Variants in ADHFE1 observed in about 807,000 individuals in gnomAD.
The protein encoded by ADHFE1 is hydroxyacid-oxoacid transhydrogenase, mitochondrial.
A neutral mutation model predicts 54.8 loss-of-function variants in ADHFE1; 37 were observed. The ratio of observed to expected loss-of-function variants is 0.68; its 90% CI spans 0.52 to 0.89. The LOEUF is 0.89. Ranked by LOEUF, ADHFE1 falls within the 40% of genes least tolerant of loss-of-function variation. The pLI, the probability that ADHFE1 is intolerant of heterozygous loss-of-function variation, is 0.00. For missense variants in ADHFE1, 601 were observed against 591.2 expected (o/e 1.02, Z -0.17); for synonymous variants, 203 against 229.3 (o/e 0.89, Z 1.04).
At chr8:66,457,966 T>A (rs186782286) in intron 12 of ADHFE1, among the ~76,000 whole-genome samples, 2 of 152,336 alleles carry the variant, frequency 1.3e-5, no homozygotes, top group Admixed American at 1.3e-4. Flanking sequence ...AAGGTCCTGA[T>A]CAATTAGAAA....
chr8:66,462,420 T>G (rs1159837362), intron 13 of ADHFE1, among the ~76,000 whole-genome samples: 2 of 152,178 alleles, frequency 1.3e-5, no homozygotes, highest in East Asian at 3.9e-4. Context: ...AGGCTAATTT[T>G]TTTAACTTTT....
At chr8:66,455,509 G>A (rs1354719512) in intron 10 of ADHFE1, among the ~76,000 whole-genome samples, 1 of 152,198 alleles carries the variant, frequency 6.6e-6, no homozygotes, top group Non-Finnish European at 1.5e-5. Flanking sequence ...TACCACTGAT[G>A]GGAGCATAAA....
chr8:66,460,364 C>A lies in ADHFE1; in HGVS notation c.1219C>A (p.Leu407Ile). Reference sequence around the variant, plus strand: ...TGCAGGGCTGGTGTTGGCAGACACGCTCCGGAAATTCTTATTCGATCTGGA... The same window carrying A: ...TGCAGGGCTGGTGTTGGCAGACACGATCCGGAAATTCTTATTCGATCTGGA... ...QDAGLVLADT[L>I]RKFLFDLDVD... is the part of the protein sequence containing the mutation. The change falls in exon 13 of 14, where the codon CTC (leucine) becomes ATC (isoleucine). Residue 407 changes from leucine to isoleucine, a missense_variant. By Grantham distance (5) the Leu-to-Ile change is conservative. Transcript: ENST00000396623. 6.2e-7 allele frequency: 1 copy of A among 1,614,206 alleles called. No individual in the cohort carries two copies. The highest frequency in any genetic ancestry group is 8.5e-7 in the Non-Finnish European group (1 of 1,180,022).
intron 12 of ADHFE1, chr8:66,460,070 C>T (rs915195839): frequency 4.0e-6 from 2 of 505,260 alleles, no homozygotes; most frequent in Non-Finnish European, 7.1e-6. Flanking sequence ...CTTTGTTCCT[C>T]TTCTTCCTAC....
chr8:66,450,796 T>A (rs1333723863), intron 8 of ADHFE1, among the ~76,000 whole-genome samples: 20 of 152,236 alleles, frequency 1.3e-4, no homozygotes, highest in Admixed American at 1.3e-3. Flanking sequence ...AACTTCCCCA[T>A]GTGGACACCT....
At chr8:66,456,030 A>G (rs1806568409) in intron 10 of ADHFE1, among the ~76,000 whole-genome samples, 1 of 152,146 alleles carries the variant, frequency 6.6e-6, no homozygotes, top group African/African-American at 2.4e-5. Flanking sequence ...TTTTTCACTA[A>G]GCGTGGTGGC....
rs1352602315 is a variant in ADHFE1, at chr8:66,460,327, C to T, written c.1182C>T (p.Ala394=). The T allele has an allele frequency of 6.2e-7, 1 of 1,614,130 alleles. No individual in the cohort carries two copies. Among genetic ancestry groups the T allele is most frequent in the South Asian group, 1.1e-5 (1 of 91,084 alleles). The change falls in exon 13 of 14, where the codon GCC becomes GCT. Residue 394 remains alanine (A), a synonymous_variant. Transcript: ENST00000396623. ...TTCTAGGAGCCGACACCCGCACTGC[C>T]AGGATCCAAGATGCAGGGCTGGTGT... ...AEILGADTRT[A]RIQDAGLVLA... is the part of the protein sequence containing the mutation.
intron 13 of ADHFE1, among the ~76,000 whole-genome samples, chr8:66,462,419 T>G (rs1419344737): frequency 6.6e-6 from 1 of 152,158 alleles, no homozygotes; most frequent in Non-Finnish European, 1.5e-5. Flanking sequence ...CAGGCTAATT[T>G]TTTTAACTTT....
chr8:66,433,872 TG>T (rs1805327979), intron 1 of ADHFE1, among the ~76,000 whole-genome samples: 1 of 152,236 alleles, frequency 6.6e-6, no homozygotes, highest in Non-Finnish European at 1.5e-5. Flanking sequence ...TTCAAATTTT[TG>T]GTTGTAAACC....
At chr8:66,433,190 CTG>C (rs1483497073) in intron 1 of ADHFE1, among the ~76,000 whole-genome samples, 3 of 152,196 alleles carry the variant, frequency 2.0e-5, no homozygotes, top group Non-Finnish European at 2.9e-5. Context: ...TACTTGCTGA[CTG>C]TGCAAGTGCA....
At chr8:66,440,040 A>G (rs1197849616) in intron 1 of ADHFE1, 122 bp from the exon 2 acceptor site, 8 of 986,758 alleles carry the variant, frequency 8.1e-6, no homozygotes, top group Admixed American at 2.3e-5. Context: ...GTGTCTGCCA[A>G]GAACTACCAA....
At chr8:66,463,144 A>G (rs897132482) in intron 13 of ADHFE1, among the ~76,000 whole-genome samples, 4 of 152,216 alleles carry the variant, frequency 2.6e-5, no homozygotes, top group Admixed American at 6.5e-5. Flanking sequence ...TTCAAAAGCT[A>G]TTCCACGTAG....
Position 66,451,959 on chromosome 8 carries a change from C to G in ADHFE1, c.741C>G (p.Ala247=), listed in dbSNP as rs758056584. 1 of 1,613,872 alleles carries G rather than the reference C, an allele frequency of 6.2e-7. No homozygotes were observed. The highest frequency in any genetic ancestry group is 8.5e-7 in the Non-Finnish European group (1 of 1,179,940). Residue 247 remains alanine (A), a synonymous_variant, in exon 9 of 14, where the codon GCC becomes GCG. Transcript: ENST00000396623. ...TTTCAATATTTCTTTTTAGCCATGC[C>G]CTGGAGTCATACACCACCCTGCCCT... The part of the protein sequence containing the change: ...ANSGFDVLCH[A]LESYTTLPYH...
At chr8:66,455,471 C>T (rs1242515020) in intron 10 of ADHFE1, among the ~76,000 whole-genome samples, 5 of 152,168 alleles carry the variant, frequency 3.3e-5, no homozygotes, top group Admixed American at 2.0e-4. Flanking sequence ...CTAGGGTGAG[C>T]GCAAGGAATG....
intron 1 of ADHFE1, among the ~76,000 whole-genome samples, chr8:66,438,711 C>T (rs1013236588): frequency 6.6e-6 from 1 of 151,738 alleles, no homozygotes; most frequent in African/African-American, 2.4e-5. Flanking sequence ...AAGTTTCAGG[C>T]GCAAAACTCT....
intron 13 of ADHFE1, among the ~76,000 whole-genome samples, chr8:66,463,593 A>G (rs1034099032): frequency 1.3e-5 from 2 of 151,148 alleles, no homozygotes; most frequent in Non-Finnish European, 3.0e-5. Context: ...GCAGATGAAT[A>G]ACTACTATGG....
At chr8:66,468,161 G>A (rs536840220) in intron 13 of ADHFE1, 108 bp from the exon 14 acceptor site, 163 of 755,214 alleles carry the variant, frequency 2.2e-4, no homozygotes, top group African/African-American at 1.1e-3. Context: ...AAGATATGGC[G>A]TTTATCAAGT....
Position 66,452,039 on chromosome 8 carries a change from G to A in ADHFE1, c.821G>A (p.Gly274Asp), listed in dbSNP as rs201214924. Residue 274 changes from glycine to aspartate, a missense_variant, in exon 9 of 14, where the codon GGC becomes GAC. Gly to Asp is a moderately conservative substitution (Grantham distance 94). Transcript: ENST00000396623. ...CCCATCACACGGCCTGCGTACCAGGGCAGCAACCCAATCAGTGACATTTGG... is the reference window on the plus strand; with the variant it reads ...CCCATCACACGGCCTGCGTACCAGGACAGCAACCCAATCAGTGACATTTGG... The part of the protein sequence containing the change: ...SNPITRPAYQ[G>D]SNPISDIWAI... 3.1e-6 allele frequency: 5 copies of A among 1,614,228 alleles called. No homozygotes were observed. Among genetic ancestry groups the A allele is most frequent in the East Asian group, 4.5e-5 (2 of 44,888 alleles).
rs765694880 is a variant in ADHFE1, at chr8:66,460,418, T to C, written c.1273T>C (p.Tyr425His). The C allele has an allele frequency of 6.8e-6, 11 of 1,612,872 alleles. No homozygotes were observed. In the South Asian group the frequency reaches 1.1e-4, roughly 16 times the overall value. ...TGATGATGGCCTAGCAGCTGTTGGT[T>C]ACTCCAAAGCTGATATCCCCGCACT... is the stretch of plus-strand genomic sequence containing the variant. ...DVDDGLAAVG[Y>H]SKADIPALVK... The change falls in exon 13 of 14, where the codon TAC becomes CAC. Residue 425 changes from tyrosine (Y) to histidine (H), a missense_variant. Coordinates refer to ENST00000396623, the MANE Select transcript of ADHFE1 (RefSeq NM_144650.3).
Sources: allele counts gnomAD v4.1 joint callset (sites outside exome capture counted in the v4.1 genomes callset), GRCh38; gene constraint gnomAD v4.1.1; transcripts MANE v1.5; gene names NCBI Gene and HGNC (gene_info 2026-07-23, HGNC 2026-07-21).